LUZP2: variants seen among roughly 807,000 people sequenced by gnomAD.
The protein encoded by LUZP2 is leucine zipper protein 2.
LUZP2 carries 52 observed loss-of-function variants against 51.6 expected under a neutral mutation model. The observed-to-expected ratio is 1.01, with a 90% CI of 0.81 to 1.27. The LOEUF is 1.27. LUZP2 is among the 50% of genes most tolerant of loss of function. The probability of loss-of-function intolerance (pLI) is 0.00; values close to 1 mark genes in which losing one functional copy is unlikely to be tolerated. For synonymous variants in LUZP2, 154 were observed against 137.3 expected (o/e 1.12, Z -0.85); for missense variants, 436 against 395.4 (o/e 1.10, Z -0.87).
At chr11:24,516,633 A>G (rs61875597) in intron 1 of LUZP2, among the ~76,000 whole-genome samples, 14,191 of 152,260 alleles carry the variant, frequency 0.093, 657 homozygotes, top group African/African-American at 0.11. Context: ...ATATGACAGC[A>G]TGAAGTTTTT....
At chr11:25,031,437 G>A (rs1328777546) in intron 9 of LUZP2, among the ~76,000 whole-genome samples, 2 of 152,022 alleles carry the variant, frequency 1.3e-5, no homozygotes, top group Admixed American at 1.3e-4. Flanking sequence ...AGTTTATGTG[G>A]TGTTGCCTTT....
rs57668112 is a variant in LUZP2 at position 25,040,343 on chromosome 11, A to ATTTTTTTTTTTTTTTTTT, written c.766-9692_766-9675dup. Among the ~76,000 whole-genome samples the ATTTTTTTTTTTTTTTTTT allele has an allele frequency of 1.2e-3, 122 of 98,814 alleles. 32 individuals are homozygous for ATTTTTTTTTTTTTTTTTT. Among genetic ancestry groups the ATTTTTTTTTTTTTTTTTT allele is most frequent in the Middle Eastern group, 6.0e-3 (1 of 166 alleles). The allele number at this position is 98,814 out of a possible 152,430, so 64.8% of individuals were successfully genotyped here. ...AGAGAGCCACTTTTCTTTCTTTCCG[A>ATTTTTTTTTTTTTTTTTT]TTTTTTTTTTTTTTTTTTTTGCCAA... On this transcript the variant is annotated intron_variant, in intron 9 of 11. Coordinates refer to ENST00000336930, the MANE Select transcript of LUZP2 (RefSeq NM_001009909.4).
At chr11:24,596,876 CT>C (rs1441792695) in intron 1 of LUZP2, among the ~76,000 whole-genome samples, 2 of 152,116 alleles carry the variant, frequency 1.3e-5, no homozygotes, top group Non-Finnish European at 2.9e-5. Context: ...TAAGGTCCAC[CT>C]TTTCTGAATA....
chr11:24,912,863 T>A (rs933406436), intron 6 of LUZP2, among the ~76,000 whole-genome samples: 2 of 152,100 alleles, frequency 1.3e-5, no homozygotes, highest in Non-Finnish European at 1.5e-5. Context: ...AAACTTGCAG[T>A]TGGTTCAGTG....
intron 1 of LUZP2, among the ~76,000 whole-genome samples, chr11:24,551,564 C>A (rs1851725850): frequency 6.6e-6 from 1 of 151,838 alleles, no homozygotes; most frequent in Non-Finnish European, 1.5e-5. Flanking sequence ...TACCATTATA[C>A]TTTAAATGAG....
chr11:24,703,864 A>AC (rs1244999154), intron 1 of LUZP2, among the ~76,000 whole-genome samples: 2 of 44,566 alleles, frequency 4.5e-5, no homozygotes, highest in Admixed American at 2.0e-4. Flanking sequence ...AAAAAAACGA[A>AC]CAAAAAAAAA....
chr11:24,948,901 A>G (rs1854986882), intron 7 of LUZP2, among the ~76,000 whole-genome samples: 1 of 151,556 alleles, frequency 6.6e-6, no homozygotes. Context: ...ACTTAGATAG[A>G]TAGATCAGCA....
chr11:24,976,706 C>A (rs1235431553), intron 8 of LUZP2, 41 bp downstream of exon 8: 155 of 334,272 alleles, frequency 4.6e-4, no homozygotes, highest in South Asian at 3.1e-3. Flanking sequence ...GTAGTTTTAG[C>A]AAAAAAAAAA....
intron 1 of LUZP2, among the ~76,000 whole-genome samples, chr11:24,579,679 A>C (rs775443259): frequency 5.9e-5 from 9 of 152,088 alleles, no homozygotes; most frequent in Non-Finnish European, 1.2e-4. Context: ...TGGTTCATAT[A>C]ATACATTGAT....
chr11:24,592,961 T>A (rs1853310480), intron 1 of LUZP2, among the ~76,000 whole-genome samples: 1 of 152,172 alleles, frequency 6.6e-6, no homozygotes, highest in Non-Finnish European at 1.5e-5. Flanking sequence ...CAATAACCAT[T>A]CCTTAATGTC....
chr11:24,597,721 T>C (rs2133855160), intron 1 of LUZP2, among the ~76,000 whole-genome samples: 1 of 152,352 alleles, frequency 6.6e-6, no homozygotes, highest in Non-Finnish European at 1.5e-5. Flanking sequence ...CTCCTGCATC[T>C]GTCTCCCATT....
chr11:25,033,060 T>A (rs1027259737), intron 9 of LUZP2, among the ~76,000 whole-genome samples: 2 of 152,088 alleles, frequency 1.3e-5, no homozygotes, highest in African/African-American at 4.8e-5. Flanking sequence ...AGATGGAGAG[T>A]TGGAAAGAAA....
At chr11:25,036,529 C>CT (rs34981744) in intron 9 of LUZP2, among the ~76,000 whole-genome samples, 68,247 of 149,972 alleles carry the variant, frequency 0.46, 15,938 homozygotes, top group Non-Finnish European at 0.51. Flanking sequence ...TTAGTTTGTT[C>CT]TTTTTTTTTG....
chr11:24,915,982 T>C lies in LUZP2; in HGVS notation c.522+1444T>C, dbSNP rs867130706. 2.1e-4 allele frequency among the ~76,000 whole-genome samples: 32 copies of C among 152,160 alleles called. 1 individual carries two copies. Among genetic ancestry groups the C allele is most frequent in the Admixed American group, 1.0e-3 (16 of 15,254 alleles). On this transcript the variant is annotated intron_variant, in intron 7 of 11. Transcript: ENST00000336930. Reference sequence around the variant, plus strand: ...TATGTTCAATTTTGAATAGATTTTATTTTATTTTATTTTTTATTTATTTAT... The same window carrying C: ...TATGTTCAATTTTGAATAGATTTTACTTTATTTTATTTTTTATTTATTTAT...
chr11:25,042,006 G>A (rs545266459), intron 9 of LUZP2, among the ~76,000 whole-genome samples: 37 of 152,188 alleles, frequency 2.4e-4, no homozygotes, highest in African/African-American at 8.4e-4. Flanking sequence ...TGAAATCATC[G>A]TCTCCCCATT....
At chr11:24,628,661 C>T (rs892766304) in intron 1 of LUZP2, among the ~76,000 whole-genome samples, 2 of 152,098 alleles carry the variant, frequency 1.3e-5, no homozygotes, top group Admixed American at 6.6e-5. Flanking sequence ...CAGGTTCAGG[C>T]GATTCTCTTG....
At chr11:24,751,194 G>A (rs1161788684) in intron 4 of LUZP2, among the ~76,000 whole-genome samples, 2 of 152,018 alleles carry the variant, frequency 1.3e-5, no homozygotes, top group East Asian at 1.9e-4. Flanking sequence ...AAAAATCATA[G>A]CAGTTAAAGG....
At chr11:25,024,802 G>T (rs1857437118) in intron 9 of LUZP2, among the ~76,000 whole-genome samples, 1 of 148,572 alleles carries the variant, frequency 6.7e-6, no homozygotes, top group East Asian at 2.0e-4. Flanking sequence ...CTACTTTAAA[G>T]TTCATATGGA....
intron 9 of LUZP2, among the ~76,000 whole-genome samples, chr11:24,986,776 A>G (rs1305473810): frequency 1.3e-5 from 2 of 151,702 alleles, no homozygotes; most frequent in Non-Finnish European, 2.9e-5. Flanking sequence ...CATTTTTTAT[A>G]AAATATATGC....
Sources: allele counts gnomAD v4.1 joint callset (sites outside exome capture counted in the v4.1 genomes callset), GRCh38; gene constraint gnomAD v4.1.1; transcripts MANE v1.5; gene names NCBI Gene and HGNC (gene_info 2026-07-23, HGNC 2026-07-21).